The following DHX34 variants were observed in gnomAD, a reference collection of about 807,000 sequenced individuals.
DHX34 encodes the protein probable ATP-dependent RNA helicase DHX34.
In DHX34, 96 loss-of-function variants were observed where a neutral mutation model predicts 111.1. That is an observed-to-expected ratio of 0.86 (90% confidence interval 0.73 to 1.02). The LOEUF is 1.02. DHX34 is among the 50% of genes least tolerant of loss of function. The probability of loss-of-function intolerance (pLI) is 0.00; values close to 1 mark genes in which losing one functional copy is unlikely to be tolerated. For synonymous variants in DHX34, 688 were observed against 670.4 expected (o/e 1.03, Z -0.41); for missense variants, 1,560 against 1,579.9 (o/e 0.99, Z 0.21).
rs759221136 is a variant in DHX34 at position 47,382,037 on chromosome 19, A to G, written c.3356A>G (p.Tyr1119Cys). ...LQKTSVLQRP[Y>C]HCEACGKDFL... is the part of the protein sequence containing the mutation. Reference sequence around the variant, plus strand: ...AAGACATCTGTCCTGCAGAGGCCCTACCACTGCGAGGCCTGCGGGAAGGAC... The same window carrying G: ...AAGACATCTGTCCTGCAGAGGCCCTGCCACTGCGAGGCCTGCGGGAAGGAC... The change falls in exon 17 of 17, where the codon TAC becomes TGC. Residue 1119 changes from tyrosine to cysteine, a missense_variant. By Grantham distance (194) the Tyr-to-Cys change is radical. Coordinates refer to ENST00000328771, the MANE Select transcript of DHX34 (RefSeq NM_014681.6). The G allele has an allele frequency of 1.2e-6, 2 of 1,613,928 alleles. No individual in the cohort carries two copies. Among genetic ancestry groups the G allele is most frequent in the South Asian group, 1.1e-5 (1 of 91,086 alleles).
Position 47,375,581 on chromosome 19 carries a change from A to G in DHX34, c.2180A>G (p.Gln727Arg), listed in dbSNP as rs1384466459. The change falls in exon 10 of 17, where the codon CAG becomes CGG. Residue 727 changes from glutamine (Q) to arginine (R), a missense_variant. Coordinates refer to ENST00000328771, the MANE Select transcript of DHX34 (RefSeq NM_014681.6). Reference protein sequence around the residue: ...ERRALHQLKRQHEEGAGRRRK... With the variant: ...ERRALHQLKRRHEEGAGRRRK... Reference sequence around the variant, plus strand: ...CGGGCCCTGCACCAGCTGAAACGCCAGCACGAGGAGGGCGCGGGGCGCAGG... The same window carrying G: ...CGGGCCCTGCACCAGCTGAAACGCCGGCACGAGGAGGGCGCGGGGCGCAGG... 1.3e-6 allele frequency: 2 copies of G among 1,546,576 alleles called. No individual in the cohort carries two copies. The highest frequency in any genetic ancestry group is 2.0e-5 in the Admixed American group (1 of 50,844).
rs1296634075 is a variant in DHX34, at chr19:47,355,151, A to G, written c.818A>G (p.Tyr273Cys). ...QIQREPSLPQYEVLIVDEVHE... is the reference protein window; with the variant it reads ...QIQREPSLPQCEVLIVDEVHE... The stretch of plus-strand genomic sequence containing the variant: ...CAGCGGGAACCCAGCCTGCCCCAGT[A>G]TGAGGTCCTGATTGTGGATGAAGTC... The change falls in exon 3 of 17, where the codon TAT (tyrosine) becomes TGT (cysteine). Residue 273 changes from tyrosine (Y) to cysteine (C), a missense_variant. Physicochemically the swap from Tyr to Cys is radical, Grantham distance 194. Coordinates refer to ENST00000328771, the MANE Select transcript of DHX34 (RefSeq NM_014681.6). 6.2e-7 allele frequency: 1 copy of G among 1,613,884 alleles called. No homozygotes were observed. The highest frequency in any genetic ancestry group is 1.7e-5 in the Admixed American group (1 of 59,966).
intron 16 of DHX34, chr19:47,381,558 GCTGT>G (rs533540252): frequency 2.5e-4 from 152 of 618,156 alleles, no homozygotes; most frequent in African/African-American, 2.2e-3. Flanking sequence ...TCTCTGTGTT[GCTGT>G]CTTTGTCTCT....
At chr19:47,368,915 G>C (rs1427401443) in intron 7 of DHX34, among the ~76,000 whole-genome samples, 1 of 151,676 alleles carries the variant, frequency 6.6e-6, no homozygotes, top group Non-Finnish European at 1.5e-5. Flanking sequence ...CAGTGTTTTT[G>C]CTCTGTTGCC....
chr19:47,376,258 G>A, intron 11 of DHX34, 161 bp downstream of exon 11: 1 of 1,432,210 alleles, frequency 7.0e-7, no homozygotes, highest in Non-Finnish European at 9.2e-7. Flanking sequence ...AGACAACCCA[G>A]AGTGGGCAGG....
Position 47,376,008 on chromosome 19 carries a change from G to A in DHX34, c.2392G>A (p.Ala798Thr), listed in dbSNP as rs1369444171. Residue 798 changes from alanine to threonine, a missense_variant, in exon 11 of 17, where the codon GCT becomes ACT. Physicochemically the swap from Ala to Thr is moderately conservative, Grantham distance 58. Coordinates refer to ENST00000328771, the MANE Select transcript of DHX34 (RefSeq NM_014681.6). ...SAQDLSREQL[A>T]LLKLVLGRGL... ...CCAGGACCTGAGCCGCGAGCAGCTG[G>A]CTCTGCTGAAGCTGGTGCTGGGCCG... is the stretch of plus-strand genomic sequence containing the variant. 1 of 1,605,208 alleles carries A rather than the reference G, an allele frequency of 6.2e-7. No homozygotes were observed. The highest frequency in any genetic ancestry group is 1.3e-5 in the African/African-American group (1 of 74,446).
At chr19:47,351,678 G>A (rs1001425515) in intron 1 of DHX34, among the ~76,000 whole-genome samples, 1 of 152,170 alleles carries the variant, frequency 6.6e-6, no homozygotes, top group Non-Finnish European at 1.5e-5. Context: ...TAAAATGAGA[G>A]CTTTTCTGTC....
At chr19:47,357,000 G>T (rs962071338) in intron 3 of DHX34, among the ~76,000 whole-genome samples, 4 of 151,760 alleles carry the variant, frequency 2.6e-5, no homozygotes, top group Admixed American at 6.6e-5. Flanking sequence ...TTTGTTTTTT[G>T]TTTTTTTTAG....
At chr19:47,354,919 G>A in intron 2 of DHX34, 120 bp from the exon 3 acceptor site, 1 of 1,507,504 alleles carries the variant, frequency 6.6e-7, no homozygotes. Context: ...CTCCCAAAGT[G>A]CTGGGATTAC....
At chr19:47,371,997 G>C (rs1346114184) in intron 7 of DHX34, among the ~76,000 whole-genome samples, 1 of 151,306 alleles carries the variant, frequency 6.6e-6, no homozygotes. Flanking sequence ...AGAACCAGGG[G>C]ATGTCTAGAT....
intron 14 of DHX34, 33 bp from the exon 15 acceptor site, chr19:47,380,783 G>T: frequency 6.2e-7 from 1 of 1,612,682 alleles, no homozygotes. Context: ...CCCTGAGTCT[G>T]TCTCTCTCCA....
Position 47,362,596 on chromosome 19 carries a change from T to A in DHX34, c.1496T>A (p.Val499Asp). 3 of 1,613,608 alleles carry A rather than the reference T, an allele frequency of 1.9e-6. No individual in the cohort carries two copies. The highest frequency in any genetic ancestry group is 2.5e-6 in the Non-Finnish European group (3 of 1,179,940). The change falls in exon 6 of 17, where the codon GTC becomes GAC. Residue 499 changes from valine (V) to aspartate (D), a missense_variant. Val to Asp is a radical substitution (Grantham distance 152). Transcript: ENST00000328771. ...KGRAGRTGPG[V>D]CFRLYAESDY... ...CGGGCGGGCCGCACGGGCCCCGGAGTCTGCTTCCGCCTCTATGCCGAATCG... is the reference window on the plus strand; with the variant it reads ...CGGGCGGGCCGCACGGGCCCCGGAGACTGCTTCCGCCTCTATGCCGAATCG...
At chr19:47,371,605 T>G (rs901971944) in intron 7 of DHX34, among the ~76,000 whole-genome samples, 2 of 152,152 alleles carry the variant, frequency 1.3e-5, no homozygotes, top group African/African-American at 4.8e-5. Context: ...TTTTTTTGTT[T>G]GTTTGGTTTT....
In DHX34 at chr19:47,373,653, G is replaced by A; in HGVS notation, c.2017G>A (p.Glu673Lys). Residue 673 changes from glutamate (E) to lysine (K), a missense_variant, in exon 9 of 17, where the codon GAG (glutamate) becomes AAG (lysine). Transcript: ENST00000328771. ...SRKWCRRRGI[E>K]EHRLYEMANL... The stretch of plus-strand genomic sequence containing the variant: ...CAAGTGGTGCCGCCGCCGGGGCATA[G>A]AGGAGCATCGACTGTACGAAATGGC... The A allele has an allele frequency of 6.2e-7, 1 of 1,614,058 alleles. No individual in the cohort carries two copies. The highest frequency in any genetic ancestry group is 2.2e-5 in the East Asian group (1 of 44,884).
Position 47,379,950 on chromosome 19 carries a change from C to T in DHX34, c.2947C>T (p.Leu983=). 1.9e-6 allele frequency: 3 copies of T among 1,600,176 alleles called. No individual in the cohort carries two copies. Among genetic ancestry groups the T allele is most frequent in the Non-Finnish European group, 2.6e-6 (3 of 1,168,880 alleles). Residue 983 remains leucine, a synonymous_variant, in exon 14 of 17, where the codon CTG becomes TTG. Coordinates refer to ENST00000328771, the MANE Select transcript of DHX34 (RefSeq NM_014681.6). ...AGTCAGCCCCAAGGAGGTGGCCACC[C>T]TGAGCAAGGAACTCCTGCAATTCAC... ...TPVSPKEVAT[L]SKELLQFTAS...
rs763042083 is a variant in DHX34, at chr19:47,375,996, C to G, written c.2380C>G (p.Arg794Gly). Residue 794 changes from arginine to glycine, a missense_variant, in exon 11 of 17, where the codon CGC becomes GGC. Transcript: ENST00000328771. Reference protein sequence around the residue: ...AAASSAQDLSREQLALLKLVL... With the variant: ...AAASSAQDLSGEQLALLKLVL... ...TGCCAGCTCAGCCCAGGACCTGAGC[C>G]GCGAGCAGCTGGCTCTGCTGAAGCT... 7 of 1,605,702 alleles carry G rather than the reference C, an allele frequency of 4.4e-6. No homozygotes were observed. The highest frequency in any genetic ancestry group is 5.9e-6 in the Non-Finnish European group (7 of 1,177,784).
rs752811056 is a variant in DHX34, at chr19:47,381,189, GAC to G, written c.3167_3168del (p.Thr1056ArgfsTer31). The G allele has an allele frequency of 9.3e-6, 15 of 1,613,176 alleles. No homozygotes were observed. The highest frequency in any genetic ancestry group is 1.2e-5 in the Non-Finnish European group (14 of 1,179,308). ...CCTGACAGCTGGCCTGCCACAGAAT[GAC>G]ACAGACCTGTACAGCGACTGTCTCC... The part of the protein sequence containing the change: ...DFLTYNCLTN[D>X]TDLYSDCLRT... On this transcript the variant is annotated frameshift_variant, in exon 16 of 17. Transcript: ENST00000328771. LOFTEE classifies it high-confidence loss of function.
intron 12 of DHX34, 90 bp from the exon 13 acceptor site, chr19:47,377,010 G>C: frequency 6.3e-7 from 1 of 1,598,918 alleles, no homozygotes; most frequent in Non-Finnish European, 8.5e-7. Context: ...TCTTTCTATC[G>C]ATGTGTACTT....
At chr19:47,367,858 T>G (rs1348897826) in intron 7 of DHX34, among the ~76,000 whole-genome samples, 3 of 144,702 alleles carry the variant, frequency 2.1e-5, no homozygotes, top group Admixed American at 1.4e-4. Context: ...ACCATGCCAT[T>G]GTACTCTAGC....
Sources: allele counts gnomAD v4.1 joint callset (sites outside exome capture counted in the v4.1 genomes callset), GRCh38; gene constraint gnomAD v4.1.1; transcripts MANE v1.5; gene names NCBI Gene and HGNC (gene_info 2026-07-23, HGNC 2026-07-21).